MAGI3: variants seen among roughly 807,000 people sequenced by gnomAD.
The protein encoded by MAGI3 is membrane associated guanylate kinase, WW and PDZ domain containing 3, also known as membrane-associated guanylate kinase, WW and PDZ domain-containing protein 3.
Under a neutral mutation model 121.8 loss-of-function variants are expected in MAGI3, and 43 were observed. The observed-to-expected ratio is 0.35, with a 90% CI of 0.28 to 0.46. The LOEUF (loss-of-function observed/expected upper bound fraction) is 0.46, where lower values mean the gene tolerates loss of function less well. Among genes scored for constraint, MAGI3 ranks in the 20% least tolerant of loss-of-function variants. The pLI is 1.00. For missense variants in MAGI3, 1,547 were observed against 1,797.3 expected (o/e 0.86, Z 2.52); for synonymous variants, 553 against 639.3 (o/e 0.86, Z 2.04).
At chr1:113,607,443 T>C (rs1649842060) in intron 6 of MAGI3, among the ~76,000 whole-genome samples, 1 of 152,164 alleles carries the variant, frequency 6.6e-6, no homozygotes, top group African/African-American at 2.4e-5. Context: ...TCACATAAAA[T>C]GGAAATGTCA....
chr1:113,578,044 G>T (rs140832638), intron 2 of MAGI3, among the ~76,000 whole-genome samples: 2 of 152,242 alleles, frequency 1.3e-5, no homozygotes, highest in Non-Finnish European at 2.9e-5. Flanking sequence ...GGCTCAGTCG[G>T]GACCATTCAT....
Position 113,564,786 on chromosome 1 carries a change from C to T in MAGI3, c.433+15155C>T, listed in dbSNP as rs139337245. Among the ~76,000 whole-genome samples, 44 of 151,808 alleles carry T rather than the reference C, an allele frequency of 2.9e-4. No homozygotes were observed. The East Asian group carries it at 3.9e-3, about 13-fold the overall frequency. On this transcript the variant is annotated intron_variant, in intron 2 of 20. Transcript: ENST00000307546. ...TTAAAATTTGAAAGATAATCACATA[C>T]GTATTTAGTATTTGAATTTTTCATA...
At chr1:113,644,420 A>G (rs1039863496) in intron 11 of MAGI3, among the ~76,000 whole-genome samples, 1 of 152,118 alleles carries the variant, frequency 6.6e-6, no homozygotes, top group African/African-American at 2.4e-5. Context: ...AGCTGGGACT[A>G]CAGGTGCACG....
intron 1 of MAGI3, among the ~76,000 whole-genome samples, chr1:113,434,372 T>A (rs771366005): frequency 3.9e-5 from 6 of 152,056 alleles, no homozygotes; most frequent in Non-Finnish European, 7.4e-5. Flanking sequence ...GAGTTTCAGA[T>A]CAGCCTGGAC....
intron 9 of MAGI3, among the ~76,000 whole-genome samples, chr1:113,628,273 A>G (rs893224765): frequency 6.6e-6 from 1 of 152,192 alleles, no homozygotes; most frequent in Admixed American, 6.5e-5. Flanking sequence ...CACTGATTGT[A>G]TAAACAAAGA....
At chr1:113,669,124 C>T (rs973891924) in intron 16 of MAGI3, among the ~76,000 whole-genome samples, 2 of 152,086 alleles carry the variant, frequency 1.3e-5, no homozygotes, top group Admixed American at 6.5e-5. Flanking sequence ...TGGAATTTTC[C>T]CCATCATTTT....
At chr1:113,405,099 G>A (rs181955255) in intron 1 of MAGI3, among the ~76,000 whole-genome samples, 1 of 152,258 alleles carries the variant, frequency 6.6e-6, no homozygotes, top group East Asian at 1.9e-4. Context: ...AGGGTGAAGT[G>A]TGATATATGA....
chr1:113,456,801 TAG>T (rs1316038384), intron 1 of MAGI3, among the ~76,000 whole-genome samples: 2 of 150,530 alleles, frequency 1.3e-5, no homozygotes, highest in Admixed American at 6.6e-5. Context: ...AATGAAATGA[TAG>T]AGTCATTTCT....
intron 6 of MAGI3, among the ~76,000 whole-genome samples, chr1:113,595,555 A>G (rs1570916717): frequency 6.6e-6 from 1 of 152,114 alleles, no homozygotes; most frequent in South Asian, 2.1e-4. Flanking sequence ...TTCCACATAT[A>G]TTGTTCAGCA....
At chr1:113,634,761 T>C (rs1004958816) in intron 9 of MAGI3, among the ~76,000 whole-genome samples, 9 of 152,326 alleles carry the variant, frequency 5.9e-5, no homozygotes, top group Middle Eastern at 3.4e-3. Flanking sequence ...TTTTTCCAAT[T>C]CTGTGAAGAA....
At chr1:113,527,398 A>G (rs1056884565) in intron 1 of MAGI3, among the ~76,000 whole-genome samples, 1 of 152,218 alleles carries the variant, frequency 6.6e-6, no homozygotes, top group Admixed American at 6.5e-5. Context: ...TATAGGTGAT[A>G]ATTAAGCTGT....
chr1:113,628,016 A>G (rs1557860524), intron 9 of MAGI3, among the ~76,000 whole-genome samples: 1 of 151,756 alleles, frequency 6.6e-6, no homozygotes, highest in Non-Finnish European at 1.5e-5. Flanking sequence ...GTCCATATGG[A>G]TTGAGTGTTA....
chr1:113,565,733 A>G (rs1489298783), intron 2 of MAGI3, among the ~76,000 whole-genome samples: 1 of 152,194 alleles, frequency 6.6e-6, no homozygotes, highest in Non-Finnish European at 1.5e-5. Context: ...TATACATATC[A>G]TCTTATTAGT....
chr1:113,667,090 T>G (rs1293174254), intron 16 of MAGI3, among the ~76,000 whole-genome samples: 2 of 152,212 alleles, frequency 1.3e-5, no homozygotes, highest in Admixed American at 1.3e-4. Flanking sequence ...TTTAGCATAA[T>G]TCTTAAGGGC....
chr1:113,411,828 A>T (rs1652007242), intron 1 of MAGI3, among the ~76,000 whole-genome samples: 1 of 152,010 alleles, frequency 6.6e-6, no homozygotes, highest in Non-Finnish European at 1.5e-5. Context: ...AGAAGACAGA[A>T]AATGTACAAT....
chr1:113,530,754 C>G (rs1255274717), intron 1 of MAGI3, among the ~76,000 whole-genome samples: 1 of 151,932 alleles, frequency 6.6e-6, no homozygotes, highest in African/African-American at 2.4e-5. Context: ...AACCCTATCT[C>G]TAAAAAAATA....
rs766433445 is a variant in MAGI3, at chr1:113,614,676, GTTAA to G, written c.1076+20_1076+23del. The G allele has an allele frequency of 3.5e-5, 55 of 1,559,266 alleles. No individual in the cohort carries two copies. The highest frequency in any genetic ancestry group is 1.2e-4 in the Admixed American group (7 of 56,674). On this transcript the variant is annotated intron_variant, in intron 7 of 20. Transcript: ENST00000307546. ...TATGTTGAGTAAGTTTGTTACCTCA[GTTAA>G]TATTCTCCCAAATATTTTCCTTTCA...
intron 1 of MAGI3, among the ~76,000 whole-genome samples, chr1:113,412,280 C>T (rs1652042368): frequency 6.6e-6 from 1 of 152,044 alleles, no homozygotes; most frequent in African/African-American, 2.4e-5. Context: ...CATTGATGGA[C>T]ATTTGGGTTG....
At chr1:113,455,539 C>G (rs77496504) in intron 1 of MAGI3, among the ~76,000 whole-genome samples, 2 of 152,088 alleles carry the variant, frequency 1.3e-5, no homozygotes, top group African/African-American at 2.4e-5. Flanking sequence ...CTCCTGCACT[C>G]TGGCCATATT....
Sources: gnomAD v4.1 joint callset for allele counts (sites outside exome capture counted in the v4.1 genomes callset) on GRCh38, gnomAD v4.1.1 for gene constraint, MANE v1.5 for transcripts, NCBI Gene and HGNC (gene_info 2026-07-23, HGNC 2026-07-21) for gene names.